The following CDK19 variants were observed in gnomAD, a reference collection of about 807,000 sequenced individuals.
CDK19 encodes the protein cyclin-dependent kinase 19.
A neutral mutation model predicts 68.3 loss-of-function variants in CDK19; 20 were observed. The observed-to-expected ratio is 0.29, with a 90% CI of 0.21 to 0.43. The LOEUF (loss-of-function observed/expected upper bound fraction) is 0.43. Among genes scored for constraint, CDK19 ranks in the 20% least tolerant of loss-of-function variants. The pLI is 1.00. For missense variants in CDK19, 339 were observed against 623.5 expected (o/e 0.54, Z 4.86); for synonymous variants, 221 against 222.8 (o/e 0.99, Z 0.07).
chr6:110,748,944 CCAGCTTTTAGAGG>C (rs1376397366), intron 1 of CDK19, among the ~76,000 whole-genome samples: 1 of 152,226 alleles, frequency 6.6e-6, no homozygotes, highest in Non-Finnish European at 1.5e-5. Context: ...CTATGATAAT[CCAGCTTTTAGAGG>C]CAGCTTAGTT....
intron 4 of CDK19, among the ~76,000 whole-genome samples, chr6:110,658,578 C>T (rs1781437712): frequency 6.6e-6 from 1 of 152,152 alleles, no homozygotes; most frequent in Non-Finnish European, 1.5e-5. Flanking sequence ...ATGAAAAGTA[C>T]ATTTGAAGCA....
chr6:110,726,050 A>G (rs1312214105), intron 2 of CDK19, among the ~76,000 whole-genome samples: 3 of 152,170 alleles, frequency 2.0e-5, no homozygotes, highest in Non-Finnish European at 4.4e-5. Flanking sequence ...TATGGGAACA[A>G]CATTTTAATA....
chr6:110,628,254 T>C (rs1410752106), intron 6 of CDK19, among the ~76,000 whole-genome samples: 3 of 152,144 alleles, frequency 2.0e-5, no homozygotes, highest in African/African-American at 4.8e-5. Context: ...AAAAAAGTAC[T>C]GTGTTTAGTA....
At position 110,712,784 on chromosome 6, in the gene CDK19, T is replaced by C. The variant is rs550709570; in HGVS notation, c.204+33342A>G. Among the ~76,000 whole-genome samples the C allele has an allele frequency of 2.0e-5, 3 of 152,274 alleles. No homozygotes were observed. In the South Asian group the frequency reaches 6.2e-4, roughly 32 times the overall value. ...TTAGCTAAAGAGAGTCAAAAATTAG[T>C]GCCAATAGAACAGAATAAAGTTTCA... On this transcript the variant is annotated intron_variant, in intron 2 of 12. Transcript: ENST00000368911.
intron 2 of CDK19, among the ~76,000 whole-genome samples, chr6:110,734,293 A>C (rs1777008088): frequency 1.3e-5 from 2 of 152,108 alleles, no homozygotes; most frequent in South Asian, 2.1e-4. Context: ...TACAGGCGTG[A>C]GCTACCACAC....
intron 1 of CDK19, among the ~76,000 whole-genome samples, chr6:110,763,930 A>C (rs1173319686): frequency 1.3e-5 from 2 of 152,244 alleles, no homozygotes; most frequent in East Asian, 3.8e-4. Context: ...GATTAATATA[A>C]AAAGTCAATT....
chr6:110,693,000 AAAT>A (rs1260699388), intron 2 of CDK19, among the ~76,000 whole-genome samples: 1 of 151,852 alleles, frequency 6.6e-6, no homozygotes, highest in East Asian at 1.9e-4. Flanking sequence ...CCATCTCAAA[AAAT>A]AATAATAATA....
intron 1 of CDK19, among the ~76,000 whole-genome samples, chr6:110,810,792 A>T: frequency 6.6e-6 from 1 of 151,924 alleles, no homozygotes; most frequent in Admixed American, 6.6e-5. Flanking sequence ...AAAAGAAAAG[A>T]AAAAAGAAAA....
At chr6:110,767,864 T>C (rs1779702180) in intron 1 of CDK19, among the ~76,000 whole-genome samples, 1 of 152,244 alleles carries the variant, frequency 6.6e-6, no homozygotes, top group African/African-American at 2.4e-5. Flanking sequence ...ACTAAAACTT[T>C]TGCTTTGTGA....
intron 1 of CDK19, among the ~76,000 whole-genome samples, chr6:110,764,695 A>C (rs1779451402): frequency 6.6e-6 from 1 of 152,236 alleles, no homozygotes; most frequent in Admixed American, 6.5e-5. Context: ...TCACGCCTCC[A>C]ATCCCAGTAC....
chr6:110,790,830 C>A (rs1242636124), intron 1 of CDK19, among the ~76,000 whole-genome samples: 1 of 152,054 alleles, frequency 6.6e-6, no homozygotes. Flanking sequence ...AACAGAGTAA[C>A]TGGTTAAACA....
At chr6:110,638,593 C>T in intron 5 of CDK19, 56 bp downstream of exon 5, 1 of 858,260 alleles carries the variant, frequency 1.2e-6, no homozygotes, top group Non-Finnish European at 2.0e-6. Flanking sequence ...AAAGGGAAAC[C>T]ATCTTTGCAG....
Position 110,692,792 on chromosome 6 carries a change from T to C in CDK19, c.205-22251A>G, listed in dbSNP as rs548140462. On this transcript the variant is annotated intron_variant, in intron 2 of 12. Transcript: ENST00000368911. ...TGGGTGGATCACCTGAGGTCAAGAG[T>C]TTGAGACCAGCCTGGCCAACATGGC... 9.3e-4 allele frequency among the ~76,000 whole-genome samples: 142 copies of C among 151,876 alleles called. 1 individual carries two copies. The highest frequency in any genetic ancestry group is 2.6e-3 in the Admixed American group (39 of 15,258).
chr6:110,657,459 G>T (rs1181636836), intron 4 of CDK19, among the ~76,000 whole-genome samples: 1 of 152,062 alleles, frequency 6.6e-6, no homozygotes, highest in South Asian at 2.1e-4. Flanking sequence ...AATTGCCCAG[G>T]TATATATTTA....
intron 1 of CDK19, among the ~76,000 whole-genome samples, chr6:110,757,745 G>A (rs1778931345): frequency 6.6e-6 from 1 of 152,112 alleles, no homozygotes; most frequent in Non-Finnish European, 1.5e-5. Flanking sequence ...TAGAAATAAA[G>A]CACTTATAGA....
chr6:110,813,544 T>C (rs1783285464), intron 1 of CDK19: 1 of 152,090 alleles, frequency 6.6e-6, no homozygotes. Context: ...TCACATTCCA[T>C]GATAAGCATT....
At chr6:110,762,076 T>C (rs1027565025) in intron 1 of CDK19, among the ~76,000 whole-genome samples, 1 of 152,224 alleles carries the variant, frequency 6.6e-6, no homozygotes, top group African/African-American at 2.4e-5. Context: ...GGTTCTGTGA[T>C]CTACTTTCTC....
intron 1 of CDK19, among the ~76,000 whole-genome samples, chr6:110,783,216 C>T (rs1780945863): frequency 6.6e-6 from 1 of 152,174 alleles, no homozygotes; most frequent in Admixed American, 6.6e-5. Context: ...GCAGGAACAG[C>T]AGACAAATAT....
chr6:110,713,842 C>T (rs1219145711), intron 2 of CDK19, among the ~76,000 whole-genome samples: 1 of 151,858 alleles, frequency 6.6e-6, no homozygotes, highest in Non-Finnish European at 1.5e-5. Context: ...ATGGCAAGAC[C>T]CCAATCTCTA....
Sources: gnomAD v4.1 joint callset for allele counts (sites outside exome capture counted in the v4.1 genomes callset) on GRCh38, gnomAD v4.1.1 for gene constraint, MANE v1.5 for transcripts, NCBI Gene and HGNC (gene_info 2026-07-23, HGNC 2026-07-21) for gene names.